The following GTF2IRD1 variants were observed in gnomAD, a reference collection of about 807,000 sequenced individuals.
GTF2IRD1 encodes general transcription factor II-I repeat domain-containing protein 1.
A neutral mutation model predicts 113.2 loss-of-function variants in GTF2IRD1; 26 were observed. The ratio of observed to expected loss-of-function variants is 0.23; its 90% confidence interval spans 0.17 to 0.32. The LOEUF is 0.32. Among genes scored for constraint, GTF2IRD1 ranks in the 10% least tolerant of loss-of-function variants. The pLI, the probability that GTF2IRD1 is intolerant of heterozygous loss-of-function variation, is 1.00. For missense variants in GTF2IRD1, 864 were observed against 1,280.8 expected, an observed-to-expected ratio of 0.67 and a Z score of 4.97; for synonymous variants, 484 against 529.1, an observed-to-expected ratio of 0.91 and a Z score of 1.17.
intron 11 of GTF2IRD1, 22 bp downstream of exon 11, chr7:74,536,297 C>G (rs1345902333): frequency 1.4e-6 from 2 of 1,457,466 alleles, no homozygotes; most frequent in South Asian, 1.1e-5. Flanking sequence ...CCCCTGGCCC[C>G]GGAGGCCCGC....
chr7:74,595,273 G>A (rs1287170332), intron 25 of GTF2IRD1, among the ~76,000 whole-genome samples: 6 of 151,842 alleles, frequency 4.0e-5, no homozygotes, highest in Admixed American at 6.6e-5. Context: ...GGGCGTGGTC[G>A]TGGGCACCTG....
At chr7:74,570,172 G>C (rs1248794944) in intron 22 of GTF2IRD1, among the ~76,000 whole-genome samples, 3 of 152,002 alleles carry the variant, frequency 2.0e-5, no homozygotes, top group African/African-American at 7.3e-5. Flanking sequence ...AACCAGCCTG[G>C]CCAACATGGT....
intron 22 of GTF2IRD1, among the ~76,000 whole-genome samples, chr7:74,583,192 T>G (rs1801518223): frequency 6.6e-6 from 1 of 151,866 alleles, no homozygotes; most frequent in Non-Finnish European, 1.5e-5. Context: ...TTAATTTTTG[T>G]TTGGTTGTTT....
chr7:74,506,130 T>C (rs1272029053), intron 1 of GTF2IRD1: 1 of 152,244 alleles, frequency 6.6e-6, no homozygotes, highest in Non-Finnish European at 1.5e-5. Flanking sequence ...ATCTCTCATT[T>C]CTCGGGATGT....
chr7:74,527,595 A>C (rs1319104969), intron 8 of GTF2IRD1, among the ~76,000 whole-genome samples: 1 of 152,212 alleles, frequency 6.6e-6, no homozygotes, highest in African/African-American at 2.4e-5. Flanking sequence ...TAATCCCAGC[A>C]CTTTGGGAGG....
intron 7 of GTF2IRD1, 61 bp from the exon 8 acceptor site, chr7:74,524,010 G>A (rs1322829635): frequency 2.5e-5 from 30 of 1,200,272 alleles, no homozygotes; most frequent in Non-Finnish European, 3.4e-5. Flanking sequence ...GTCATGGCCG[G>A]TGGAGGGCGT....
chr7:74,530,613 G>A (rs1175296707), intron 9 of GTF2IRD1, among the ~76,000 whole-genome samples: 13 of 142,932 alleles, frequency 9.1e-5, no homozygotes, highest in Non-Finnish European at 1.8e-4. Context: ...AAAAAAAGGC[G>A]GCAGGGGTGG....
At chr7:74,576,781 C>T (rs1347863036) in intron 22 of GTF2IRD1, among the ~76,000 whole-genome samples, 1 of 150,288 alleles carries the variant, frequency 6.7e-6, no homozygotes, top group Non-Finnish European at 1.5e-5. Flanking sequence ...CCAACATGCC[C>T]GGCTAATTTT....
In GTF2IRD1 at chr7:74,476,948, C is replaced by T. The variant is rs1390876816; in HGVS notation, c.-7+22772C>T. ...TGAGCACTTAGTCAGCGTCCCACAG[C>T]ATCTAAAAGACGGGAACAAGGGCTG... On this transcript the variant is annotated intron_variant, in intron 1 of 26. Coordinates refer to ENST00000424337, the MANE Select transcript of GTF2IRD1 (RefSeq NM_005685.4). Among the ~76,000 whole-genome samples, 3 of 152,274 alleles carry T rather than the reference C, an allele frequency of 2.0e-5. No homozygotes were observed. In the South Asian group the frequency reaches 6.2e-4, roughly 32 times the overall value.
chr7:74,515,669 G>T, intron 4 of GTF2IRD1, 73 bp downstream of exon 4: 2 of 1,394,624 alleles, frequency 1.4e-6, no homozygotes, highest in Non-Finnish European at 1.9e-6. Flanking sequence ...AGCAGAGGGG[G>T]CCCCCTCCTG....
Position 74,512,634 on chromosome 7 carries a change from G to A in GTF2IRD1, c.124-196G>A, listed in dbSNP as rs1417827801. 3.3e-5 allele frequency among the ~76,000 whole-genome samples: 5 copies of A among 152,146 alleles called. No homozygotes were observed. Among genetic ancestry groups the A allele is most frequent in the Non-Finnish European group, 7.4e-5 (5 of 68,024 alleles). ...CACTTGTCCTCCTCCACCCCCCATC[G>A]CCAATGCCTGCAGGGCCATTTCATT... is the stretch of plus-strand genomic sequence containing the variant. On this transcript the variant is annotated intron_variant, in intron 2 of 26. Coordinates refer to ENST00000424337, the MANE Select transcript of GTF2IRD1 (RefSeq NM_005685.4). The surrounding 1 kb of genome is among the most constrained non-coding windows in gnomAD (Gnocchi z 4.4).
chr7:74,476,796 G>T (rs548213014), intron 1 of GTF2IRD1, among the ~76,000 whole-genome samples: 1 of 152,246 alleles, frequency 6.6e-6, no homozygotes, highest in East Asian at 1.9e-4. Context: ...CCCACATGAG[G>T]AGCTGATGAT....
At chr7:74,558,435 C>T (rs1357003129) in intron 20 of GTF2IRD1, among the ~76,000 whole-genome samples, 3 of 128,412 alleles carry the variant, frequency 2.3e-5, no homozygotes, top group Non-Finnish European at 4.7e-5. Flanking sequence ...TCATGGTTCA[C>T]TACAGCCTCA....
In GTF2IRD1 at chr7:74,555,706, C is replaced by T. The variant is rs587755850; in HGVS notation, c.2023+212C>T. Among the ~76,000 whole-genome samples the T allele has an allele frequency of 5.9e-5, 9 of 152,230 alleles. No individual in the cohort carries two copies. The highest frequency in any genetic ancestry group is 1.7e-4 in the African/African-American group (7 of 41,548). Reference sequence around the variant, plus strand: ...GGGAGAGGGGGTGCCTACAGGTGGACGGTCGGGGGAGCCCAGGAGCCTGCC... The same window carrying T: ...GGGAGAGGGGGTGCCTACAGGTGGATGGTCGGGGGAGCCCAGGAGCCTGCC... On this transcript the variant is annotated intron_variant, in intron 19 of 26. Transcript: ENST00000424337. The surrounding 1 kb of genome is among the most constrained non-coding windows in gnomAD (Gnocchi z 5.3).
chr7:74,454,276 G>GCCCCT (rs1466067665), intron 1 of GTF2IRD1, 100 bp downstream of exon 1: 4 of 115,116 alleles, frequency 3.5e-5, no homozygotes, highest in African/African-American at 6.3e-5. Context: ...GGGGGTCCCC[G>GCCCCT]CCCCTCCCCC....
intron 22 of GTF2IRD1, among the ~76,000 whole-genome samples, chr7:74,583,371 C>CTTTTTT (rs1168890388): frequency 8.2e-5 from 10 of 122,314 alleles, no homozygotes; most frequent in Admixed American, 1.7e-4. Context: ...CTTTTTTTTT[C>CTTTTTT]TTTTTTTTTT....
intron 8 of GTF2IRD1, among the ~76,000 whole-genome samples, chr7:74,529,515 C>T (rs1313046577): frequency 1.3e-5 from 2 of 152,096 alleles, no homozygotes; most frequent in Non-Finnish European, 2.9e-5. Flanking sequence ...CTCAGCCTCC[C>T]GGAGTGCTGG....
At chr7:74,530,200 ACT>A (rs1360461501) in intron 9 of GTF2IRD1, among the ~76,000 whole-genome samples, 1 of 139,500 alleles carries the variant, frequency 7.2e-6, no homozygotes, top group East Asian at 2.2e-4. Flanking sequence ...ACAAAGTGAG[ACT>A]CTGTCTCAAA....
Position 74,547,269 on chromosome 7 carries a change from C to T in GTF2IRD1, c.1899C>T (p.Ile633=), listed in dbSNP as rs1798998218. The change falls in exon 17 of 27, where the codon ATC becomes ATT. Residue 633 remains isoleucine (I), a synonymous_variant. Transcript: ENST00000424337. ...LRKILEASNS[I]QFVIKRPELL... ...AGATTCTGGAGGCCAGCAACAGCAT[C>T]CAGTTTGTCATCAAGAGGTAAGGCC... 2 of 1,610,850 alleles carry T rather than the reference C, an allele frequency of 1.2e-6. No homozygotes were observed. The highest frequency in any genetic ancestry group is 1.3e-5 in the African/African-American group (1 of 75,002).
Sources: allele counts gnomAD v4.1 joint callset (sites outside exome capture counted in the v4.1 genomes callset), GRCh38; gene constraint gnomAD v4.1.1; non-coding constraint Gnocchi (gnomAD v3.1); transcripts MANE v1.5; gene names NCBI Gene and HGNC (gene_info 2026-07-23, HGNC 2026-07-21).